The following MEF2C variants were observed in gnomAD, a reference collection of about 807,000 sequenced individuals.
MEF2C encodes the protein myocyte-specific enhancer factor 2C.
In MEF2C, 6 loss-of-function variants were observed where a neutral mutation model predicts 50.5. The observed-to-expected ratio is 0.12, with a 90% CI of 0.07 to 0.23. MEF2C has a LOEUF of 0.23. Ranked by LOEUF, MEF2C falls within the 10% of genes least tolerant of loss-of-function variation. MEF2C has a pLI of 1.00. For missense variants in MEF2C, 276 were observed against 605.0 expected (o/e 0.46, Z 5.70); for synonymous variants, 183 against 228.0 (o/e 0.80, Z 1.78).
intron 1 of MEF2C, among the ~76,000 whole-genome samples, chr5:88,903,397 C>G (rs868211143): frequency 1.3e-5 from 2 of 151,616 alleles, no homozygotes; most frequent in Non-Finnish European, 2.9e-5. Flanking sequence ...ATTATACATG[C>G]AATGTATGCT....
Position 88,738,588 on chromosome 5 carries a change from G to A in MEF2C, c.638-6687C>T, listed in dbSNP as rs185498470. On this transcript the variant is annotated intron_variant, in intron 6 of 10. Transcript: ENST00000504921. ...GCAGTATGTCCAGAGTCCATGCCCT[G>A]AAGTACAACACTACACTGCTCCTTC... The A allele has an allele frequency of 7.2e-4, 711 of 982,892 alleles. 1 individual carries two copies. Among genetic ancestry groups the A allele is most frequent in the Non-Finnish European group, 7.9e-4 (652 of 827,646 alleles). The allele number at this position is 982,892 out of a possible 1,614,324, so 60.9% of individuals were successfully genotyped here.
chr5:88,875,908 T>C (rs557642868), intron 1 of MEF2C, among the ~76,000 whole-genome samples: 2 of 152,036 alleles, frequency 1.3e-5, no homozygotes, highest in East Asian at 3.9e-4. Flanking sequence ...CTGCTGCCAG[T>C]ACCTGCCCTG....
At chr5:88,787,480 A>T (rs1438415025) in intron 3 of MEF2C, among the ~76,000 whole-genome samples, 1 of 152,130 alleles carries the variant, frequency 6.6e-6, no homozygotes, top group Non-Finnish European at 1.5e-5. Flanking sequence ...AGGTTACATA[A>T]CTCGCCCTCC....
chr5:88,880,317 A>G (rs1832427573), intron 1 of MEF2C, among the ~76,000 whole-genome samples: 1 of 152,136 alleles, frequency 6.6e-6, no homozygotes. Context: ...CATTAATTGC[A>G]TATTAAATTC....
At chr5:88,816,465 C>CTTTTTTTTTT (rs70996497) in intron 2 of MEF2C, among the ~76,000 whole-genome samples, 1 of 86,130 alleles carries the variant, frequency 1.2e-5, no homozygotes, top group Non-Finnish European at 2.2e-5. Flanking sequence ...CTGCCTACTG[C>CTTTTTTTTTT]TTTTTTTTTT....
chr5:88,838,491 G>T, intron 1 of MEF2C: 1 of 900,376 alleles, frequency 1.1e-6, no homozygotes, highest in Non-Finnish European at 1.3e-6. Context: ...AAACCCAAAA[G>T]AATTGTCTTC....
rs376835865 is a variant in MEF2C, at chr5:88,726,793, C to T, written c.1100+1700G>A. Among the ~76,000 whole-genome samples the T allele has an allele frequency of 2.0e-5, 3 of 151,980 alleles. No homozygotes were observed. The East Asian group carries it at 5.8e-4, about 29-fold the overall frequency. Reference sequence around the variant, plus strand: ...AGAGGCAGCAGAGAATTAGATTCTTCCTTGTAATAGAAAAGAGTTTTAAAA... The same window carrying T: ...AGAGGCAGCAGAGAATTAGATTCTTTCTTGTAATAGAAAAGAGTTTTAAAA... On this transcript the variant is annotated intron_variant, in intron 10 of 10. Coordinates refer to ENST00000504921, the MANE Select transcript of MEF2C (RefSeq NM_002397.5).
At chr5:88,893,928 ATTAC>A (rs1487160272) in intron 1 of MEF2C, among the ~76,000 whole-genome samples, 1 of 152,228 alleles carries the variant, frequency 6.6e-6, no homozygotes, top group Non-Finnish European at 1.5e-5. Flanking sequence ...CCTACGGACT[ATTAC>A]TTATTTATTC....
In MEF2C at chr5:88,823,924, G is replaced by T. The variant is rs989676589; in HGVS notation, c.-136C>A. ...GCTCAGTTCCCAAATTCCTGCATTC[G>T]TTCCTGCTGAACAAAAAAGAAAAAT... On this transcript the variant is annotated 5_prime_UTR_variant, in exon 2 of 11. Coordinates refer to ENST00000504921, the MANE Select transcript of MEF2C (RefSeq NM_002397.5). 26 of 1,449,662 alleles carry T rather than the reference G, an allele frequency of 1.8e-5. No homozygotes were observed. The African/African-American group carries it at 3.3e-4, about 18-fold the overall frequency. 89.8% of individuals were successfully genotyped at this position (1,449,662 alleles called of 1,614,324 possible).
At chr5:88,760,532 A>G (rs1268974659) in intron 4 of MEF2C, among the ~76,000 whole-genome samples, 2 of 152,216 alleles carry the variant, frequency 1.3e-5, no homozygotes, top group African/African-American at 4.8e-5. Flanking sequence ...TTTTATTCAG[A>G]AATCAGCTTT....
Position 88,720,844 on chromosome 5 carries a change from T to C in MEF2C, c.*1760A>G, listed in dbSNP as rs1277855499. The C allele has an allele frequency of 6.6e-6, 1 of 152,564 alleles. No individual in the cohort carries two copies. The highest frequency in any genetic ancestry group is 2.4e-5 in the African/African-American group (1 of 41,436). The allele number at this position is 152,564 out of a possible 1,614,324, so 9.5% of individuals were successfully genotyped here. A position where few individuals can be genotyped will look rare whatever the true frequency, so the allele number is the denominator to read the frequency against. ...AGGTTCTTTATGGGATTTCTTGAAA[T>C]GGCTATTAAATCTCTTTATTGAAGA... On this transcript the variant is annotated 3_prime_UTR_variant, in exon 11 of 11. Transcript: ENST00000504921.
intron 3 of MEF2C, among the ~76,000 whole-genome samples, chr5:88,790,667 A>T (rs1261430187): frequency 6.6e-6 from 1 of 152,080 alleles, no homozygotes; most frequent in Non-Finnish European, 1.5e-5. Context: ...TACTCACTCT[A>T]GCTGACTTGA....
intron 6 of MEF2C, chr5:88,742,205 T>G: frequency 1.0e-6 from 1 of 985,140 alleles, no homozygotes; most frequent in Non-Finnish European, 1.2e-6. Flanking sequence ...TGCTCTCTAC[T>G]GATGCACAAT....
intron 1 of MEF2C, chr5:88,878,110 T>A (rs181184166): frequency 4.6e-5 from 7 of 152,170 alleles, no homozygotes; most frequent in Admixed American, 2.6e-4. Context: ...TTAGAAAATC[T>A]TAAGTGATAG....
intron 1 of MEF2C, among the ~76,000 whole-genome samples, chr5:88,868,040 A>T (rs906387950): frequency 1.3e-5 from 2 of 152,226 alleles, no homozygotes; most frequent in Non-Finnish European, 2.9e-5. Context: ...ACGCAAAGAA[A>T]GAATTACCTC....
At chr5:88,886,100 C>T (rs893391187), upstream of MEF2C, among the ~76,000 whole-genome samples, 1 of 152,118 alleles carries the variant, frequency 6.6e-6, no homozygotes, top group Non-Finnish European at 1.5e-5. Flanking sequence ...GGATTTTCCC[C>T]TCAGCAGATT....
intron 3 of MEF2C, among the ~76,000 whole-genome samples, chr5:88,789,389 A>C (rs1792643753): frequency 6.6e-6 from 1 of 151,862 alleles, no homozygotes; most frequent in African/African-American, 2.4e-5. Context: ...GCTGGTCTTG[A>C]ACTCCTAGGC....
At chr5:88,850,756 A>AAGAAAGAATATATATGTACAGTTGACCC (rs1384887693) in intron 1 of MEF2C, among the ~76,000 whole-genome samples, 6 of 152,040 alleles carry the variant, frequency 3.9e-5, no homozygotes, top group African/African-American at 1.4e-4. Flanking sequence ...ATAATTATTT[A>AAGAAAGAATATATATGTACAGTTGACCC]AGAAAGAATA....
chr5:88,747,953 C>T, intron 6 of MEF2C: 1 of 633,032 alleles, frequency 1.6e-6, no homozygotes, highest in Non-Finnish European at 2.0e-6. Context: ...CAGCAAAATA[C>T]TACGTGAGTT....
Sources: allele counts gnomAD v4.1 joint callset (sites outside exome capture counted in the v4.1 genomes callset), GRCh38; gene constraint gnomAD v4.1.1; transcripts MANE v1.5; gene names NCBI Gene and HGNC (gene_info 2026-07-23, HGNC 2026-07-21).